STARD13: variants seen among roughly 807,000 people sequenced by gnomAD.
STARD13 encodes the protein stAR-related lipid transfer protein 13.
In STARD13, 62 loss-of-function variants were observed where a neutral mutation model predicts 106.4. That is an observed-to-expected ratio of 0.58 (90% confidence interval 0.48 to 0.72). STARD13 has a LOEUF of 0.72. Among genes scored for constraint, STARD13 ranks in the 30% least tolerant of loss-of-function variants. The pLI is 0.00. For missense variants in STARD13, 1,387 were observed against 1,424.0 expected (o/e 0.97, Z 0.42); for synonymous variants, 565 against 553.0 (o/e 1.02, Z -0.31).
At chr13:33,279,079 A>G (rs1196873917) in intron 1 of STARD13, among the ~76,000 whole-genome samples, 1 of 152,108 alleles carries the variant, frequency 6.6e-6, no homozygotes, top group Non-Finnish European at 1.5e-5. Context: ...CTATCTTCTT[A>G]AGTCTTCTTG....
At chr13:33,252,694 T>TC (rs2138291205) in intron 1 of STARD13, among the ~76,000 whole-genome samples, 1 of 152,342 alleles carries the variant, frequency 6.6e-6, no homozygotes, top group South Asian at 2.1e-4. Context: ...TGAAGACTGA[T>TC]CCAGGAGAAT....
upstream of STARD13, chr13:33,350,642 T>C: frequency 7.5e-7 from 1 of 1,330,110 alleles, no homozygotes; most frequent in Non-Finnish European, 9.6e-7. Context: ...ACCTCTGCGC[T>C]CGCCAACTCC....
At chr13:33,360,836 C>G in the STARD13 span, among the ~76,000 whole-genome samples, 1 of 143,260 alleles carries the variant, frequency 7.0e-6, no homozygotes, top group East Asian at 2.1e-4. Context: ...TGCTCTGTCA[C>G]CCAGGCTGGA....
At chr13:33,514,780 A>G in the STARD13 span, among the ~76,000 whole-genome samples, 8 of 152,132 alleles carry the variant, frequency 5.3e-5, no homozygotes, top group Non-Finnish European at 1.2e-4. Flanking sequence ...CCAAACAGTC[A>G]TAACAAACAA....
At chr13:33,426,760 T>C in the STARD13 span, among the ~76,000 whole-genome samples, 2,117 of 152,328 alleles carry the variant, frequency 0.014, 46 homozygotes, top group African/African-American at 0.048. Flanking sequence ...TGTTTTAAAA[T>C]TCTTTATGTT....
chr13:33,416,721 G>T, the STARD13 span, among the ~76,000 whole-genome samples: 143 of 152,236 alleles, frequency 9.4e-4, 3 homozygotes, highest in East Asian at 0.026. Context: ...AAATGTAAAT[G>T]CTAAAACTAC....
chr13:33,518,406 A>T, the STARD13 span, among the ~76,000 whole-genome samples: 2 of 152,116 alleles, frequency 1.3e-5, no homozygotes, highest in East Asian at 3.9e-4. Context: ...AAAGCCGCCT[A>T]CCTGTGGCTA....
the STARD13 span, among the ~76,000 whole-genome samples, chr13:33,626,299 T>G: frequency 6.6e-6 from 1 of 152,238 alleles, no homozygotes; most frequent in Non-Finnish European, 1.5e-5. Context: ...AGATTTTGTC[T>G]TCCTTCAGTA....
chr13:33,331,131 C>G (rs2077831097), intron 1 of STARD13, among the ~76,000 whole-genome samples: 1 of 151,152 alleles, frequency 6.6e-6, no homozygotes. Flanking sequence ...TCTGACCCCC[C>G]TTGCTAGTCT....
the STARD13 span, among the ~76,000 whole-genome samples, chr13:33,489,351 T>TGTGTATAGTAAAGCC: frequency 6.6e-6 from 1 of 152,174 alleles, no homozygotes; most frequent in African/African-American, 2.4e-5. Context: ...AGTAAAGCCT[T>TGTGTATAGTAAAGCC]TTGTGTTATT....
the STARD13 span, among the ~76,000 whole-genome samples, chr13:33,446,546 C>T: frequency 6.6e-6 from 1 of 151,962 alleles, no homozygotes; most frequent in Non-Finnish European, 1.5e-5. Context: ...ATTTTCATTG[C>T]TATATAAAAA....
chr13:33,669,679 G>A, the STARD13 span, among the ~76,000 whole-genome samples: 2 of 151,946 alleles, frequency 1.3e-5, no homozygotes, highest in African/African-American at 2.4e-5. Flanking sequence ...GGGATTACAG[G>A]CACCTGCCAC....
chr13:33,193,292 A>T (rs951285811), intron 1 of STARD13, among the ~76,000 whole-genome samples: 7 of 152,184 alleles, frequency 4.6e-5, no homozygotes, highest in Non-Finnish European at 7.4e-5. Context: ...GTTGTTAGTG[A>T]TTAGAAGGAG....
chr13:33,466,559 AG>A, the STARD13 span, among the ~76,000 whole-genome samples: 1 of 152,234 alleles, frequency 6.6e-6, no homozygotes, highest in Non-Finnish European at 1.5e-5. Flanking sequence ...GACAGTAATT[AG>A]AAAGTATTTC....
the STARD13 span, among the ~76,000 whole-genome samples, chr13:33,624,459 C>T: frequency 5.9e-5 from 9 of 152,238 alleles, no homozygotes; most frequent in Admixed American, 3.9e-4. Flanking sequence ...GTGCTGAAAA[C>T]AGCACTATCA....
At chr13:33,312,181 G>A (rs561586450) in intron 1 of STARD13, among the ~76,000 whole-genome samples, 1 of 152,168 alleles carries the variant, frequency 6.6e-6, no homozygotes, top group Non-Finnish European at 1.5e-5. Context: ...GGTTTCATTT[G>A]CTTTGACTAT....
At chr13:33,353,077 C>T (rs1302283103), upstream of STARD13, among the ~76,000 whole-genome samples, 2 of 152,146 alleles carry the variant, frequency 1.3e-5, no homozygotes, top group Non-Finnish European at 2.9e-5. Flanking sequence ...CTTGTCCCTA[C>T]AGGTACTTTG....
intron 1 of STARD13, among the ~76,000 whole-genome samples, chr13:33,186,717 TG>T (rs1885799973): frequency 1.3e-5 from 2 of 152,102 alleles, no homozygotes; most frequent in Non-Finnish European, 1.5e-5. Flanking sequence ...AACACAATAA[TG>T]AAATCAGCAA....
chr13:33,607,878 G>GA, the STARD13 span, among the ~76,000 whole-genome samples: 3 of 151,748 alleles, frequency 2.0e-5, no homozygotes, highest in African/African-American at 4.8e-5. Context: ...AAGCTGCCCA[G>GA]AAAAAAAAGT....
Sources: gnomAD v4.1 joint callset for allele counts (sites outside exome capture counted in the v4.1 genomes callset) on GRCh38, gnomAD v4.1.1 for gene constraint, MANE v1.5 for transcripts, NCBI Gene and HGNC (gene_info 2026-07-23, HGNC 2026-07-21) for gene names.